The following FOXP2 variants were observed in gnomAD, a reference collection of about 807,000 sequenced individuals.
The protein encoded by FOXP2 is forkhead box P2.
A neutral mutation model predicts 115.8 loss-of-function variants in FOXP2; 12 were observed. The ratio of observed to expected loss-of-function variants is 0.10; its 90% confidence interval spans 0.07 to 0.17. FOXP2 has a LOEUF of 0.17. Ranked by LOEUF, FOXP2 falls within the 10% of genes least tolerant of loss-of-function variation. FOXP2 has a pLI of 1.00. For synonymous variants in FOXP2, 328 were observed against 297.7 expected (o/e 1.10, Z -1.05); for missense variants, 629 against 843.5 (o/e 0.75, Z 3.15).
At chr7:114,444,374 G>C (rs1453119160) in intron 2 of FOXP2, among the ~76,000 whole-genome samples, 2 of 152,118 alleles carry the variant, frequency 1.3e-5, no homozygotes, top group African/African-American at 2.4e-5. Flanking sequence ...ACTGTGTCAA[G>C]TTGAGCTTCT....
At chr7:114,338,488 A>G (rs1402089781) in intron 2 of FOXP2, among the ~76,000 whole-genome samples, 2 of 151,132 alleles carry the variant, frequency 1.3e-5, no homozygotes, top group Non-Finnish European at 3.0e-5. Context: ...ACTATGAAAT[A>G]AGAAAATGTG....
At position 114,692,874 on chromosome 7, in the gene FOXP2, G is replaced by A. The variant is rs1045958556; in HGVS notation, c.*2948G>A. 1 of 453,878 alleles carries A rather than the reference G, an allele frequency of 2.2e-6. No individual in the cohort carries two copies. The highest frequency in any genetic ancestry group is 2.0e-5 in the African/African-American group (1 of 49,926). The allele number at this position is 453,878 out of a possible 1,614,324, so 28.1% of individuals were successfully genotyped here. A position where few individuals can be genotyped will look rare whatever the true frequency, so the allele number is the denominator to read the frequency against. On this transcript the variant is annotated 3_prime_UTR_variant, in exon 17 of 17. Transcript: ENST00000350908. ...AATTTTTGATACTTTTCATTACTGT[G>A]TACTATGTTCATACTTTGAATTCTC...
chr7:114,095,924 G>A (rs974952539), intron 1 of FOXP2, among the ~76,000 whole-genome samples: 13 of 152,142 alleles, frequency 8.5e-5, no homozygotes, highest in African/African-American at 3.1e-4. Flanking sequence ...TTGGCTTAAT[G>A]GGAAGGGCAC....
intron 1 of FOXP2, among the ~76,000 whole-genome samples, chr7:114,187,227 A>G (rs910881465): frequency 4.6e-5 from 7 of 151,920 alleles, no homozygotes; most frequent in African/African-American, 1.7e-4. Context: ...TTAATTATAA[A>G]CTCCATCTTT....
chr7:114,531,382 A>AT (rs1353515942), intron 2 of FOXP2, among the ~76,000 whole-genome samples: 1 of 151,872 alleles, frequency 6.6e-6, no homozygotes, highest in Non-Finnish European at 1.5e-5. Flanking sequence ...ATAATCTTTC[A>AT]TTTTTTGAGT....
rs556059727 is a variant in FOXP2, at chr7:114,314,359, C to G, written c.-11+26250C>G. Among the ~76,000 whole-genome samples the G allele has an allele frequency of 2.0e-5, 3 of 151,910 alleles. No homozygotes were observed. In the South Asian group the frequency reaches 6.2e-4, roughly 32 times the overall value. On this transcript the variant is annotated intron_variant, in intron 2 of 17. Coordinates refer to the FOXP2 transcript ENST00000634411. Reference sequence around the variant, plus strand: ...TGGTAAAATTTCTGGTCATTTTGCTCTGCCCCAGCTGTCTTTTGCTTAGTA... The same window carrying G: ...TGGTAAAATTTCTGGTCATTTTGCTGTGCCCCAGCTGTCTTTTGCTTAGTA...
At chr7:114,154,599 C>G (rs897276409) in intron 1 of FOXP2, among the ~76,000 whole-genome samples, 4 of 152,022 alleles carry the variant, frequency 2.6e-5, no homozygotes, top group African/African-American at 9.7e-5. Flanking sequence ...ATGTGAACTT[C>G]AAAGTGTTAT....
intron 1 of FOXP2, among the ~76,000 whole-genome samples, chr7:114,111,342 G>T (rs28552960): frequency 6.6e-6 from 1 of 152,086 alleles, no homozygotes; most frequent in Non-Finnish European, 1.5e-5. Context: ...TAAAGATCAC[G>T]TGGAGAGACT....
At chr7:114,623,314 G>A (rs1383163175) in intron 3 of FOXP2, among the ~76,000 whole-genome samples, 3 of 151,890 alleles carry the variant, frequency 2.0e-5, no homozygotes, top group Admixed American at 2.0e-4. Context: ...TGTGATTTCA[G>A]TTCGTCAGGA....
chr7:114,570,728 A>T (rs974334675), intron 3 of FOXP2: 2 of 1,075,414 alleles, frequency 1.9e-6, no homozygotes, highest in Non-Finnish European at 2.9e-6. Context: ...ATGATTTTTA[A>T]AAATGATAAT....
intron 6 of FOXP2, among the ~76,000 whole-genome samples, chr7:114,633,568 G>T (rs1805038528): frequency 6.6e-6 from 1 of 152,072 alleles, no homozygotes; most frequent in Admixed American, 6.6e-5. Flanking sequence ...TAATTGTAGG[G>T]CCACAAATGT....
At chr7:114,653,819 C>G in intron 9 of FOXP2, 107 bp from the exon 10 acceptor site, 1 of 1,222,760 alleles carries the variant, frequency 8.2e-7, no homozygotes, top group Non-Finnish European at 1.2e-6. Flanking sequence ...CTTTTACATG[C>G]AGGAATCATT....
rs555829235 is a variant in FOXP2, at chr7:114,222,736, G to A, written c.-102+59648G>A. The stretch of plus-strand genomic sequence containing the variant: ...GTATTTTAAGGTAATCTCAAGGATG[G>A]GGTAGCTTTTAAAGAAGGGACAGTT... On this transcript the variant is annotated intron_variant, in intron 1 of 17. Coordinates refer to the FOXP2 transcript ENST00000634411. Among the ~76,000 whole-genome samples, 3 of 152,276 alleles carry A rather than the reference G, an allele frequency of 2.0e-5. No homozygotes were observed. In the East Asian group the frequency reaches 5.8e-4, roughly 29 times the overall value.
At chr7:114,577,744 A>G (rs1286866793) in intron 3 of FOXP2, among the ~76,000 whole-genome samples, 1 of 151,940 alleles carries the variant, frequency 6.6e-6, no homozygotes, top group African/African-American at 2.4e-5. Flanking sequence ...TTCAGACTAC[A>G]TATGTTATAT....
rs374038645 is a variant in FOXP2 at position 114,425,448 on chromosome 7, G to T, written c.-10-1054G>T. Among the ~76,000 whole-genome samples the T allele has an allele frequency of 1.1e-4, 16 of 151,622 alleles. No homozygotes were observed. In the East Asian group the frequency reaches 2.1e-3, roughly 20 times the overall value. ...TGATCTTTCTAAACCACAGATTCAGGATGTACTGTGAAATTCTGGTTTGTA... is the reference window on the plus strand; with the variant it reads ...TGATCTTTCTAAACCACAGATTCAGTATGTACTGTGAAATTCTGGTTTGTA... On this transcript the variant is annotated intron_variant, in intron 1 of 16. Transcript: ENST00000350908.
chr7:114,461,872 T>G (rs1458696584), intron 2 of FOXP2, among the ~76,000 whole-genome samples: 1 of 152,174 alleles, frequency 6.6e-6, no homozygotes, highest in Non-Finnish European at 1.5e-5. Flanking sequence ...TTTTGCCAAT[T>G]TCTTTTAAAT....
intron 1 of FOXP2, among the ~76,000 whole-genome samples, chr7:114,234,593 C>A (rs1385747592): frequency 6.6e-6 from 1 of 152,122 alleles, no homozygotes; most frequent in Non-Finnish European, 1.5e-5. Context: ...AAAAAACCTT[C>A]GGAAATGATT....
intron 14 of FOXP2, 128 bp downstream of exon 14, chr7:114,662,314 G>T: frequency 2.3e-6 from 3 of 1,296,226 alleles, no homozygotes; most frequent in Non-Finnish European, 3.3e-6. Flanking sequence ...GCAATGAACT[G>T]CATTTTGAAT....
At chr7:114,087,154 T>C (rs1334346603), upstream of FOXP2, among the ~76,000 whole-genome samples, 2 of 152,064 alleles carry the variant, frequency 1.3e-5, no homozygotes, top group Non-Finnish European at 2.9e-5. Context: ...ATTTACTCAG[T>C]TGGGCAAGTG....
Sources: allele counts gnomAD v4.1 joint callset (sites outside exome capture counted in the v4.1 genomes callset), GRCh38; gene constraint gnomAD v4.1.1; transcripts MANE v1.5; gene names NCBI Gene and HGNC (gene_info 2026-07-23, HGNC 2026-07-21).